MYH10: variants seen among roughly 807,000 people sequenced by gnomAD.
The protein encoded by MYH10 is myosin heavy chain 10.
Under a neutral mutation model 257.8 loss-of-function variants are expected in MYH10, and 55 were observed. The ratio of observed to expected loss-of-function variants is 0.21; its 90% confidence interval spans 0.17 to 0.27. The LOEUF is 0.27. MYH10 is among the 10% of genes least tolerant of loss of function. The pLI is 1.00. For missense variants in MYH10, 1,631 were observed against 2,500.6 expected, an observed-to-expected ratio of 0.65 and a Z score of 7.42; for synonymous variants, 854 against 921.7, an observed-to-expected ratio of 0.93 and a Z score of 1.33.
In MYH10 at chr17:8,480,161, G is replaced by C; in HGVS notation, c.5546C>G (p.Ala1849Gly). Residue 1849 changes from alanine to glycine, a missense_variant, in exon 40 of 43, where the codon GCC becomes GGC. By Grantham distance (60) the Ala-to-Gly change is moderately conservative. Coordinates refer to ENST00000360416, the MANE Select transcript of MYH10 (RefSeq NM_001256012.3). ...CAGCTGCCCAATCTTGGCCTCCAGG[G>C]CTGAGATGGTGGCCTTGAACTTAGA... Reference protein sequence around the residue: ...VKSKFKATISALEAKIGQLEE... With the variant: ...VKSKFKATISGLEAKIGQLEE... The C allele has an allele frequency of 6.2e-7, 1 of 1,614,172 alleles. No individual in the cohort carries two copies. Among genetic ancestry groups the C allele is most frequent in the Non-Finnish European group, 8.5e-7 (1 of 1,180,036 alleles).
intron 1 of MYH10, among the ~76,000 whole-genome samples, chr17:8,628,954 G>A (rs1481346924): frequency 6.6e-6 from 1 of 152,086 alleles, no homozygotes; most frequent in Non-Finnish European, 1.5e-5. Context: ...GTGCTATATC[G>A]CACAATTACA....
intron 11 of MYH10, among the ~76,000 whole-genome samples, chr17:8,547,214 T>C (rs1425821839): frequency 6.6e-6 from 1 of 152,186 alleles, no homozygotes; most frequent in Non-Finnish European, 1.5e-5. Flanking sequence ...CCAGCCTCCT[T>C]ACCTTTACAA....
Position 8,535,632 on chromosome 17 carries a change from T to C in MYH10, c.1779+126A>G. On this transcript the variant is annotated intron_variant, in intron 15 of 42. Coordinates refer to ENST00000360416, the MANE Select transcript of MYH10 (RefSeq NM_001256012.3). This position sits in a 1 kb window ranked among gnomAD's most constrained non-coding sequence, Gnocchi z 4.3. ...AAAATGGGCTGTCTGAAAGACAATA[T>C]GTTTGTAATATATACTGTATTTGTT... is the stretch of plus-strand genomic sequence containing the variant. The C allele has an allele frequency of 2.4e-6, 3 of 1,235,162 alleles. No individual in the cohort carries two copies. The highest frequency in any genetic ancestry group is 2.9e-5 in the South Asian group (2 of 69,302). The allele number at this position is 1,235,162 out of a possible 1,614,324, so 76.5% of individuals were successfully genotyped here.
chr17:8,621,741 G>A (rs902793542), intron 2 of MYH10, among the ~76,000 whole-genome samples: 1 of 152,120 alleles, frequency 6.6e-6, no homozygotes, highest in East Asian at 1.9e-4. Context: ...CTCTGGCAAA[G>A]GTCATGAATG....
rs35193113 is a variant in MYH10, at chr17:8,510,040, ATTTTTTT to A, written c.2953-98_2953-92del. On this transcript the variant is annotated intron_variant, in intron 24 of 42. Coordinates refer to ENST00000360416, the MANE Select transcript of MYH10 (RefSeq NM_001256012.3). ...AGGAATGCATTACAATGAGATACTA[ATTTTTTT>A]TTTTTTTTTGACACGGAGTCTCGCT... 4.4e-6 allele frequency: 4 copies of A among 909,812 alleles called. No homozygotes were observed. In the Admixed American group the frequency reaches 1.3e-4, roughly 30 times the overall value. The allele number at this position is 909,812 out of a possible 1,614,324, so 56.4% of individuals were successfully genotyped here. A position where few individuals can be genotyped will look rare whatever the true frequency, so the allele number is the denominator to read the frequency against.
At chr17:8,591,639 A>G (rs72846915) in intron 3 of MYH10, among the ~76,000 whole-genome samples, 5,255 of 152,264 alleles carry the variant, frequency 0.035, 142 homozygotes, top group East Asian at 0.14. Context: ...AAATTAACCC[A>G]AATCGAATTG....
chr17:8,587,026 T>G (rs1000375205), intron 4 of MYH10, among the ~76,000 whole-genome samples: 21 of 152,170 alleles, frequency 1.4e-4, no homozygotes, highest in African/African-American at 4.8e-4. Context: ...AGCAGAAACT[T>G]GAACAATGCT....
intron 24 of MYH10, chr17:8,511,071 T>TATATATATATAC (rs1336387130): frequency 1.9e-4 from 16 of 82,252 alleles, no homozygotes; most frequent in East Asian, 5.3e-4. Context: ...CACACATACA[T>TATATATATATAC]ACATACACAC....
intron 2 of MYH10, among the ~76,000 whole-genome samples, chr17:8,610,360 G>C (rs992993044): frequency 6.7e-6 from 1 of 149,288 alleles, no homozygotes; most frequent in African/African-American, 2.5e-5. Flanking sequence ...AAGCCACGGT[G>C]GGAAGATCAC....
At chr17:8,541,818 C>G (rs777304768) in intron 14 of MYH10, among the ~76,000 whole-genome samples, 3 of 152,154 alleles carry the variant, frequency 2.0e-5, no homozygotes, top group Non-Finnish European at 4.4e-5. Flanking sequence ...CAAATGCCAG[C>G]GCACAGGGCC....
chr17:8,514,244 C>T (rs181532237), intron 21 of MYH10, among the ~76,000 whole-genome samples: 5 of 152,310 alleles, frequency 3.3e-5, no homozygotes, highest in South Asian at 2.1e-4. Context: ...CAGAAGGGCC[C>T]GTTTTCTCTG....
At chr17:8,481,290 G>T in intron 38 of MYH10, 32 bp downstream of exon 38, 1 of 1,608,140 alleles carries the variant, frequency 6.2e-7, no homozygotes, top group African/African-American at 1.3e-5. Flanking sequence ...GCCTGAGGGC[G>T]AAGAACCCAC....
At chr17:8,578,204 A>G (rs1178722830) in intron 4 of MYH10, among the ~76,000 whole-genome samples, 1 of 148,808 alleles carries the variant, frequency 6.7e-6, no homozygotes, top group Non-Finnish European at 1.5e-5. Context: ...CTATAGCCTC[A>G]TATATTTATT....
At chr17:8,580,865 A>G (rs184334059) in intron 4 of MYH10, among the ~76,000 whole-genome samples, 27 of 152,260 alleles carry the variant, frequency 1.8e-4, no homozygotes, top group Non-Finnish European at 1.0e-4. Context: ...AGAACAGATA[A>G]AGATTATTAG....
chr17:8,529,641 C>T (rs534308562), intron 17 of MYH10, among the ~76,000 whole-genome samples: 1 of 152,286 alleles, frequency 6.6e-6, no homozygotes, highest in African/African-American at 2.4e-5. Flanking sequence ...TACTTGCAGT[C>T]TACTTCTTTC....
chr17:8,600,783 A>G (rs1223583683), intron 3 of MYH10, among the ~76,000 whole-genome samples: 1 of 152,178 alleles, frequency 6.6e-6, no homozygotes. Context: ...ACACAGTGTT[A>G]GTAAGGACAC....
intron 9 of MYH10, among the ~76,000 whole-genome samples, chr17:8,551,825 A>C (rs929799273): frequency 6.6e-6 from 1 of 152,222 alleles, no homozygotes; most frequent in Admixed American, 6.5e-5. Context: ...AAAAGAAATA[A>C]AAGTACAAAA....
intron 7 of MYH10, among the ~76,000 whole-genome samples, chr17:8,564,043 T>C (rs747727063): frequency 2.0e-5 from 3 of 152,222 alleles, no homozygotes; most frequent in Non-Finnish European, 4.4e-5. Flanking sequence ...TCCCTGTTTT[T>C]AAAGTTTCAT....
intron 38 of MYH10, among the ~76,000 whole-genome samples, chr17:8,480,810 A>AGGG (rs1913617028): frequency 6.6e-6 from 1 of 152,034 alleles, no homozygotes; most frequent in Non-Finnish European, 1.5e-5. Flanking sequence ...TTCTCCACAG[A>AGGG]CAACAGCCAG....
Sources: allele counts gnomAD v4.1 joint callset (sites outside exome capture counted in the v4.1 genomes callset), GRCh38; gene constraint gnomAD v4.1.1; non-coding constraint Gnocchi (gnomAD v3.1); transcripts MANE v1.5; gene names NCBI Gene and HGNC (gene_info 2026-07-23, HGNC 2026-07-21).